Variants in SLC5A11 observed in about 807,000 individuals in gnomAD.
SLC5A11 encodes the protein solute carrier family 5 member 11.
In SLC5A11, 48 loss-of-function variants were observed where a neutral mutation model predicts 69.8. The observed-to-expected ratio is 0.69, with a 90% CI of 0.55 to 0.87. SLC5A11 has a LOEUF of 0.87. SLC5A11 is among the 40% of genes least tolerant of loss of function. SLC5A11 has a pLI of 0.00. For synonymous variants in SLC5A11, 319 were observed against 342.4 expected (o/e 0.93, Z 0.75); for missense variants, 784 against 866.1 (o/e 0.91, Z 1.19).
intron 7 of SLC5A11, among the ~76,000 whole-genome samples, chr16:24,880,326 C>A (rs2047956679): frequency 6.6e-6 from 1 of 152,052 alleles, no homozygotes; most frequent in Non-Finnish European, 1.5e-5. Flanking sequence ...GCGGGAGGTG[C>A]TACACACTTT....
At chr16:24,870,781 C>CAAAAAAAAAAAA (rs57742222) in intron 4 of SLC5A11, among the ~76,000 whole-genome samples, 1 of 66,546 alleles carries the variant, frequency 1.5e-5, no homozygotes, top group Non-Finnish European at 2.7e-5. Flanking sequence ...CTCTGTCTCA[C>CAAAAAAAAAAAA]AAAAAAAAAA....
chr16:24,891,167 C>G, intron 9 of SLC5A11, 93 bp downstream of exon 10: 5 of 1,258,598 alleles, frequency 4.0e-6, no homozygotes, highest in Non-Finnish European at 5.7e-6. Context: ...TCCATCTCTT[C>G]TCTCATTTGC....
exon 6 of SLC5A11, chr16:24,875,709 T>C (rs761238809): frequency 9.9e-6 from 16 of 1,613,748 alleles, no homozygotes; most frequent in Non-Finnish European, 1.4e-5. Context: ...TACCTATTTA[T>C]CTACATCTTC....
chr16:24,861,262 T>A (rs1567582474), intron 2 of SLC5A11, among the ~76,000 whole-genome samples: 2 of 152,030 alleles, frequency 1.3e-5, no homozygotes, highest in Middle Eastern at 3.2e-3. Context: ...AGTGAACAGA[T>A]CGCTTGAGCT....
At chr16:24,910,576 C>A in intron 15 of SLC5A11, 99 bp downstream of exon 16, 5 of 1,340,092 alleles carry the variant, frequency 3.7e-6, no homozygotes, top group Non-Finnish European at 5.0e-6. Flanking sequence ...GGAAAGTGGG[C>A]AGACTTGGAG....
exon 16 of SLC5A11, chr16:24,911,561 CTG>C (rs1330935505): frequency 1.9e-6 from 3 of 1,608,174 alleles, no homozygotes; most frequent in Non-Finnish European, 2.6e-6. Context: ...GGTCCAAACT[CTG>C]TTTCTCTTCA....
At chr16:24,857,376 G>T (rs1167515975) in intron 1 of SLC5A11, among the ~76,000 whole-genome samples, 1 of 152,198 alleles carries the variant, frequency 6.6e-6, no homozygotes, top group Non-Finnish European at 1.5e-5. Flanking sequence ...AATTTTATTA[G>T]TTTCTGACTG....
intron 10 of SLC5A11, among the ~76,000 whole-genome samples, chr16:24,899,645 T>A (rs2049436665): frequency 6.6e-6 from 1 of 151,968 alleles, no homozygotes; most frequent in African/African-American, 2.4e-5. Context: ...CTTGTGATCC[T>A]CCCACCTTGG....
intron 10 of SLC5A11, among the ~76,000 whole-genome samples, chr16:24,903,322 A>T (rs889803076): frequency 6.6e-6 from 1 of 152,032 alleles, no homozygotes; most frequent in African/African-American, 2.4e-5. Context: ...CTTATCTATC[A>T]CCTCAAATAT....
exon 14 of SLC5A11, chr16:24,908,890 T>C: frequency 6.2e-7 from 1 of 1,613,434 alleles, no homozygotes; most frequent in Non-Finnish European, 8.5e-7. Flanking sequence ...GGGTGCCTTC[T>C]GGGGCCTGAT....
intron 3 of SLC5A11, among the ~76,000 whole-genome samples, chr16:24,864,058 T>C (rs1384780941): frequency 1.3e-5 from 2 of 152,282 alleles, no homozygotes; most frequent in East Asian, 3.9e-4. Flanking sequence ...GCTGTGGCAA[T>C]AACAGTTTGG....
At chr16:24,899,624 G>A (rs1231754138) in intron 10 of SLC5A11, among the ~76,000 whole-genome samples, 2 of 151,950 alleles carry the variant, frequency 1.3e-5, no homozygotes, top group Non-Finnish European at 2.9e-5. Context: ...GGATGGTCTC[G>A]ATCTCTTGAC....
Position 24,897,623 on chromosome 16 carries a change from T to C in SLC5A11, c.871-351T>C, listed in dbSNP as rs117495493. 1.2e-4 allele frequency among the ~76,000 whole-genome samples: 19 copies of C among 152,236 alleles called. No homozygotes were observed. In the East Asian group the frequency reaches 3.7e-3, roughly 29 times the overall value. ...AAAGACATACTGAGACTGAGTAATTTATAAAGAGGTTGAATGGACTCACAG... is the reference window on the plus strand; with the variant it reads ...AAAGACATACTGAGACTGAGTAATTCATAAAGAGGTTGAATGGACTCACAG... On this transcript the variant is annotated intron_variant, in intron 9 of 15. Coordinates refer to ENST00000347898, the Ensembl canonical transcript of SLC5A11.
At chr16:24,909,643 CA>C (rs35334841) in intron 14 of SLC5A11, among the ~76,000 whole-genome samples, 10,768 of 48,898 alleles carry the variant, frequency 0.22, 425 homozygotes, top group African/African-American at 0.26. Flanking sequence ...CCCTGTCTCA[CA>C]AAAAAAAAAA....
At chr16:24,890,733 G>A (rs1005215500) in intron 8 of SLC5A11, 136 bp from the exon 10 acceptor site, 9 of 761,722 alleles carry the variant, frequency 1.2e-5, no homozygotes, top group Non-Finnish European at 1.8e-5. Context: ...TGGGGAGGAG[G>A]TTAAGAACCC....
At chr16:24,866,855 C>T (rs1158755609) in intron 3 of SLC5A11, among the ~76,000 whole-genome samples, 1 of 152,008 alleles carries the variant, frequency 6.6e-6, no homozygotes, top group Admixed American at 6.6e-5. Flanking sequence ...CATAATTGCA[C>T]CTAACAACAG....
intron 13 of SLC5A11, 77 bp downstream of exon 14, chr16:24,908,208 T>C (rs1057184099): frequency 1.4e-6 from 2 of 1,471,228 alleles, no homozygotes; most frequent in Non-Finnish European, 1.8e-6. Flanking sequence ...GAGGGGAGGG[T>C]GTTGGAGGGA....
intron 4 of SLC5A11, among the ~76,000 whole-genome samples, chr16:24,870,781 C>CAAAAAA (rs57742222): frequency 9.2e-4 from 61 of 66,514 alleles, no homozygotes; most frequent in African/African-American, 1.2e-3. Flanking sequence ...CTCTGTCTCA[C>CAAAAAA]AAAAAAAAAA....
At chr16:24,868,602 A>AG (rs1431196914) in intron 3 of SLC5A11, among the ~76,000 whole-genome samples, 1 of 151,278 alleles carries the variant, frequency 6.6e-6, no homozygotes, top group Non-Finnish European at 1.5e-5. Flanking sequence ...GCCTCAAAAA[A>AG]AAAAAAAAAG....
Sources: allele counts gnomAD v4.1 joint callset (sites outside exome capture counted in the v4.1 genomes callset), GRCh38; gene constraint gnomAD v4.1.1; transcripts MANE v1.5; gene names NCBI Gene and HGNC (gene_info 2026-07-23, HGNC 2026-07-21).